The following APBA1 variants were observed in gnomAD, a reference collection of about 807,000 sequenced individuals.
APBA1 encodes amyloid-beta A4 precursor protein-binding family A member 1.
A neutral mutation model predicts 86.6 loss-of-function variants in APBA1; 55 were observed. The ratio of observed to expected loss-of-function variants is 0.64; its 90% CI spans 0.51 to 0.80. The LOEUF is 0.80. APBA1 is among the 30% of genes least tolerant of loss of function. The pLI, the probability that APBA1 is intolerant of heterozygous loss-of-function variation, is 0.00. For synonymous variants in APBA1, 511 were observed against 493.9 expected (o/e 1.03, Z -0.46); for missense variants, 1,090 against 1,183.0 (o/e 0.92, Z 1.15).
At chr9:69,495,334 C>T (rs557984741) in intron 2 of APBA1, among the ~76,000 whole-genome samples, 6 of 152,286 alleles carry the variant, frequency 3.9e-5, no homozygotes, top group African/African-American at 1.4e-4. Flanking sequence ...TAGGATCCAC[C>T]TACCTCTCCT....
intron 1 of APBA1, among the ~76,000 whole-genome samples, chr9:69,555,300 C>T (rs1020565217): frequency 1.3e-5 from 2 of 152,170 alleles, no homozygotes; most frequent in Non-Finnish European, 2.9e-5. Context: ...GATAACCAGG[C>T]TGGTGGTGCT....
intron 1 of APBA1, among the ~76,000 whole-genome samples, chr9:69,573,993 C>T (rs537058003): frequency 3.3e-5 from 5 of 152,186 alleles, no homozygotes; most frequent in East Asian, 1.9e-4. Context: ...TTAGGTAATA[C>T]GAAATTGGTG....
intron 10 of APBA1, among the ~76,000 whole-genome samples, chr9:69,442,951 T>C (rs914549): frequency 1.3e-5 from 2 of 152,338 alleles, no homozygotes; most frequent in African/African-American, 4.8e-5. Context: ...ACAACTTCAC[T>C]GCAAACAGAA....
chr9:69,505,727 T>C (rs2133876883), intron 2 of APBA1, among the ~76,000 whole-genome samples: 1 of 152,214 alleles, frequency 6.6e-6, no homozygotes, highest in African/African-American at 2.4e-5. Context: ...TTTTCAGAAC[T>C]GGTCTTCAGG....
intron 1 of APBA1, among the ~76,000 whole-genome samples, chr9:69,629,738 T>C (rs1823001670): frequency 6.6e-6 from 1 of 152,056 alleles, no homozygotes; most frequent in Non-Finnish European, 1.5e-5. Flanking sequence ...GTTCTAGTGC[T>C]GGGGTTACCC....
rs568387178 is a variant in APBA1 at position 69,589,378 on chromosome 9, G to C, written c.-69-72099C>G. Among the ~76,000 whole-genome samples, 208 of 152,304 alleles carry C rather than the reference G, an allele frequency of 1.4e-3. 1 individual carries two copies. Among genetic ancestry groups the C allele is most frequent in the Non-Finnish European group, 1.8e-3 (122 of 68,028 alleles). On this transcript the variant is annotated intron_variant, in intron 1 of 12. Transcript: ENST00000265381. Reference sequence around the variant, plus strand: ...ACCAAATGACGTGATGCTAGGCCCAGACAGAGAAGGCATCCACTCTAATTC... The same window carrying C: ...ACCAAATGACGTGATGCTAGGCCCACACAGAGAAGGCATCCACTCTAATTC...
At chr9:69,537,539 A>G (rs1366316576) in intron 1 of APBA1, among the ~76,000 whole-genome samples, 3 of 152,054 alleles carry the variant, frequency 2.0e-5, no homozygotes, top group Non-Finnish European at 4.4e-5. Context: ...TTCTCTCACA[A>G]TCCTCTTCTG....
intron 1 of APBA1, among the ~76,000 whole-genome samples, chr9:69,562,385 T>C (rs553359380): frequency 2.6e-5 from 4 of 152,028 alleles, no homozygotes; most frequent in East Asian, 1.9e-4. Context: ...CTTTTCTTTT[T>C]TTTTTTTGAC....
At chr9:69,534,173 G>T (rs2133910035) in intron 1 of APBA1, among the ~76,000 whole-genome samples, 1 of 152,256 alleles carries the variant, frequency 6.6e-6, no homozygotes, top group African/African-American at 2.4e-5. Flanking sequence ...GCATACACAT[G>T]CCCTTTCTGA....
chr9:69,522,954 G>A (rs1836277074), intron 1 of APBA1, among the ~76,000 whole-genome samples: 1 of 152,170 alleles, frequency 6.6e-6, no homozygotes, highest in Admixed American at 6.5e-5. Context: ...AAAACATGAA[G>A]AAGGGGTGCT....
chr9:69,590,925 A>C (rs771680612), intron 1 of APBA1, among the ~76,000 whole-genome samples: 2 of 152,200 alleles, frequency 1.3e-5, no homozygotes, highest in African/African-American at 2.4e-5. Context: ...CCTAAGAGAA[A>C]GCTAATGGCT....
chr9:69,505,715 G>A (rs1835948464), intron 2 of APBA1, among the ~76,000 whole-genome samples: 1 of 152,052 alleles, frequency 6.6e-6, no homozygotes. Flanking sequence ...GTAGGCTGTG[G>A]ATTTTCAGAA....
At chr9:69,481,398 G>T (rs1436341429) in intron 2 of APBA1, among the ~76,000 whole-genome samples, 1 of 151,996 alleles carries the variant, frequency 6.6e-6, no homozygotes, top group Admixed American at 6.5e-5. Flanking sequence ...CAATACCTAG[G>T]AATCCAACTT....
chr9:69,587,198 A>T (rs900712785), intron 1 of APBA1, among the ~76,000 whole-genome samples: 1 of 152,208 alleles, frequency 6.6e-6, no homozygotes, highest in Non-Finnish European at 1.5e-5. Context: ...CTCCAAATTC[A>T]GTGATGGAGA....
At chr9:69,453,659 A>C (rs1835049013) in intron 8 of APBA1, among the ~76,000 whole-genome samples, 1 of 152,236 alleles carries the variant, frequency 6.6e-6, no homozygotes, top group African/African-American at 2.4e-5. Context: ...CAGAATTCAA[A>C]ACTTTTCCAA....
chr9:69,487,294 C>T lies in APBA1; in HGVS notation c.1201-11151G>A, dbSNP rs17082117. On this transcript the variant is annotated intron_variant, in intron 2 of 12. Coordinates refer to ENST00000265381, the MANE Select transcript of APBA1 (RefSeq NM_001163.4). Reference sequence around the variant, plus strand: ...TTCAATACTGAAATGCTGACAGTGTCCAAATAAACCCAGATCCCTGCCTCC... The same window carrying T: ...TTCAATACTGAAATGCTGACAGTGTTCAAATAAACCCAGATCCCTGCCTCC... Among the ~76,000 whole-genome samples, 279 of 152,138 alleles carry T rather than the reference C, an allele frequency of 1.8e-3. 6 individuals are homozygous for T. In the East Asian group the frequency reaches 0.052, roughly 28 times the overall value.
At chr9:69,628,017 A>G (rs914114179) in intron 1 of APBA1, among the ~76,000 whole-genome samples, 1 of 152,086 alleles carries the variant, frequency 6.6e-6, no homozygotes, top group Non-Finnish European at 1.5e-5. Context: ...TCTAATCAAT[A>G]GAATAGAACA....
chr9:69,595,520 TATCCATTATTGTCAATCTGGCTCCAC>T (rs1449573789), intron 1 of APBA1, among the ~76,000 whole-genome samples: 1 of 152,236 alleles, frequency 6.6e-6, no homozygotes, highest in Non-Finnish European at 1.5e-5. Flanking sequence ...GCCCATTTTA[TATCCATTATTGTCAATCTGGCTCCAC>T]ATCTCCCATG....
chr9:69,608,387 C>G (rs1244035717), intron 1 of APBA1, among the ~76,000 whole-genome samples: 1 of 152,136 alleles, frequency 6.6e-6, no homozygotes, highest in Non-Finnish European at 1.5e-5. Context: ...TCTATACCAT[C>G]ATCAAATTAC....
Sources: gnomAD v4.1 joint callset for allele counts (sites outside exome capture counted in the v4.1 genomes callset) on GRCh38, gnomAD v4.1.1 for gene constraint, MANE v1.5 for transcripts, NCBI Gene and HGNC (gene_info 2026-07-23, HGNC 2026-07-21) for gene names.